Variants in PAX3 observed in about 807,000 individuals in gnomAD.
The protein encoded by PAX3 is paired box 3, also known as paired box protein Pax-3.
Under a neutral mutation model 51.6 loss-of-function variants are expected in PAX3, and 14 were observed. The ratio of observed to expected loss-of-function variants is 0.27; its 90% CI spans 0.18 to 0.42. The LOEUF (loss-of-function observed/expected upper bound fraction) is 0.42. Ranked by LOEUF, PAX3 falls within the 10% of genes least tolerant of loss-of-function variation. The pLI, the probability that PAX3 is intolerant of heterozygous loss-of-function variation, is 1.00. For synonymous variants in PAX3, 280 were observed against 253.4 expected, an observed-to-expected ratio of 1.11 and a Z score of -1.00; for missense variants, 540 against 642.8, an observed-to-expected ratio of 0.84 and a Z score of 1.73.
At position 222,275,759 on chromosome 2, in the gene PAX3, CA is replaced by C. The variant is rs560819627; in HGVS notation, c.586+18407del. Among the ~76,000 whole-genome samples, 282 of 152,278 alleles carry C rather than the reference CA, an allele frequency of 1.9e-3. 3 individuals are homozygous for C. The highest frequency in any genetic ancestry group is 6.6e-3 in the African/African-American group (275 of 41,566). ...GTTTTTAAATACTTCAATGTTTTTA[CA>C]AAAACAACAAAAGTTTTCAGATTTG... On this transcript the variant is annotated intron_variant, in intron 4 of 8. Coordinates refer to ENST00000392070, the MANE Select transcript of PAX3 (RefSeq NM_181458.4).
intron 5 of PAX3, among the ~76,000 whole-genome samples, chr2:222,226,607 T>C (rs1692394890): frequency 6.6e-6 from 1 of 151,918 alleles, no homozygotes; most frequent in African/African-American, 2.4e-5. Flanking sequence ...ACAGATCAGT[T>C]AGACGGCTTC....
intron 4 of PAX3, among the ~76,000 whole-genome samples, chr2:222,257,598 T>A (rs1198260049): frequency 2.2e-4 from 33 of 152,254 alleles, no homozygotes. Flanking sequence ...CTAAATTGAC[T>A]ACCTGTCTCC....
rs76791724 is a variant in PAX3 at position 222,260,254 on chromosome 2, GA to G, written c.587-27972del. On this transcript the variant is annotated intron_variant, in intron 4 of 8. Transcript: ENST00000392070. ...GAAGTGGCAAATTAAGACTACATGT[GA>G]AAAAAAAACTATAGAAAAATAAGAA... 4.7e-5 allele frequency among the ~76,000 whole-genome samples: 7 copies of G among 150,426 alleles called. No individual in the cohort carries two copies. In the South Asian group the frequency reaches 8.4e-4, roughly 18 times the overall value.
chr2:222,232,050 T>A, intron 5 of PAX3, 28 bp downstream of exon 5: 2 of 1,603,258 alleles, frequency 1.2e-6, no homozygotes, highest in Non-Finnish European at 8.5e-7. Context: ...TGGACTGAAG[T>A]AGGACACGGA....
chr2:222,235,815 G>C (rs1403495405), intron 4 of PAX3, among the ~76,000 whole-genome samples: 1 of 152,078 alleles, frequency 6.6e-6, no homozygotes, highest in Non-Finnish European at 1.5e-5. Flanking sequence ...AGTTCAATAG[G>C]ACAGCCGTTA....
intron 4 of PAX3, among the ~76,000 whole-genome samples, chr2:222,237,944 T>C (rs1692861920): frequency 3.3e-5 from 5 of 152,212 alleles, no homozygotes; most frequent in Admixed American, 3.3e-4. Context: ...TCCAGTGTGA[T>C]CACTGAAAGC....
chr2:222,210,035 C>T (rs1364247036), intron 7 of PAX3, among the ~76,000 whole-genome samples: 1 of 152,172 alleles, frequency 6.6e-6, no homozygotes, highest in Non-Finnish European at 1.5e-5. Context: ...TCTCCCATAC[C>T]TAACTCCAGG....
At chr2:222,237,660 A>G (rs921032470) in intron 4 of PAX3, among the ~76,000 whole-genome samples, 1 of 152,254 alleles carries the variant, frequency 6.6e-6, no homozygotes, top group Non-Finnish European at 1.5e-5. Context: ...AATGGATTTA[A>G]GAAATCAAAG....
chr2:222,255,236 T>C (rs1693595380), intron 4 of PAX3, among the ~76,000 whole-genome samples: 2 of 152,170 alleles, frequency 1.3e-5, no homozygotes, highest in South Asian at 4.1e-4. Flanking sequence ...GGGATCTGAT[T>C]TTGATGCTGA....
chr2:222,295,426 A>C, intron 3 of PAX3, 102 bp downstream of exon 3: 1 of 1,416,210 alleles, frequency 7.1e-7, no homozygotes, highest in Non-Finnish European at 1.0e-6. Context: ...GCCACCTCCC[A>C]ATAGCTGAGA....
At chr2:222,285,777 T>G (rs1046746576) in intron 4 of PAX3, among the ~76,000 whole-genome samples, 2 of 152,250 alleles carry the variant, frequency 1.3e-5, no homozygotes, top group Non-Finnish European at 2.9e-5. Context: ...TATAAAAATT[T>G]TGAAAATCTA....
intron 4 of PAX3, among the ~76,000 whole-genome samples, chr2:222,268,600 C>T (rs2163353): frequency 0.19 from 28,815 of 152,154 alleles, 2,972 homozygotes; most frequent in East Asian, 0.37. Flanking sequence ...TTTCCTACCT[C>T]ACTCTGAATC....
At chr2:222,248,628 A>G (rs1449060306) in intron 4 of PAX3, among the ~76,000 whole-genome samples, 1 of 152,242 alleles carries the variant, frequency 6.6e-6, no homozygotes, top group Non-Finnish European at 1.5e-5. Flanking sequence ...GTGTCCCAGC[A>G]GTACTTTTTC....
chr2:222,279,822 GA>G (rs1333585161), intron 4 of PAX3, among the ~76,000 whole-genome samples: 1 of 151,864 alleles, frequency 6.6e-6, no homozygotes, highest in Non-Finnish European at 1.5e-5. Context: ...CAAAGATTCA[GA>G]AAAAAAATTG....
chr2:222,293,683 G>C (rs927779624), intron 4 of PAX3: 1 of 1,614,050 alleles, frequency 6.2e-7, no homozygotes, highest in African/African-American at 1.3e-5. Context: ...GGCAATTTTG[G>C]AGGGCCGTTG....
rs368725878 is a variant in PAX3, at chr2:222,201,817, CA to C, written c.1420+126del. ...CTGCTGGAACAGTCAGCTGGCTTTG[CA>C]AAAAAAAAAAAAAATTGATACCGGC... On this transcript the variant is annotated intron_variant, in intron 8 of 8. Transcript: ENST00000392070. 0.11 allele frequency: 131,580 copies of C among 1,230,762 alleles called. 1 individual carries two copies. Among genetic ancestry groups the C allele is most frequent in the Admixed American group, 0.13 (5,415 of 41,262 alleles). 76.2% of individuals were successfully genotyped at this position (1,230,762 alleles called of 1,614,324 possible).
chr2:222,249,897 T>C (rs1693362692), intron 4 of PAX3, among the ~76,000 whole-genome samples: 1 of 152,112 alleles, frequency 6.6e-6, no homozygotes, highest in African/African-American at 2.4e-5. Flanking sequence ...AGTCAATCAA[T>C]ATTCATGCTT....
intron 3 of PAX3, 114 bp from the exon 4 acceptor site, chr2:222,294,415 C>T: frequency 1.8e-6 from 2 of 1,137,578 alleles, no homozygotes; most frequent in Non-Finnish European, 2.6e-6. Context: ...AGCCGCTGCC[C>T]TGCACTGCTC....
chr2:222,271,039 T>A (rs746677688), intron 4 of PAX3, among the ~76,000 whole-genome samples: 1 of 152,240 alleles, frequency 6.6e-6, no homozygotes, highest in African/African-American at 2.4e-5. Flanking sequence ...AATAATACTT[T>A]ATATTTGCTC....
Sources: allele counts gnomAD v4.1 joint callset (sites outside exome capture counted in the v4.1 genomes callset), GRCh38; gene constraint gnomAD v4.1.1; transcripts MANE v1.5; gene names NCBI Gene and HGNC (gene_info 2026-07-23, HGNC 2026-07-21).